Variants in ROBO2 observed in about 807,000 individuals in gnomAD.
ROBO2 encodes the protein roundabout homolog 2.
In ROBO2, 53 loss-of-function variants were observed where a neutral mutation model predicts 160.8. The observed-to-expected ratio is 0.33, with a 90% CI of 0.26 to 0.41. The LOEUF is 0.41. ROBO2 is among the 10% of genes least tolerant of loss of function. ROBO2 has a pLI of 1.00. For missense variants in ROBO2, 1,577 were observed against 1,722.4 expected, an observed-to-expected ratio of 0.92 and a Z score of 1.49; for synonymous variants, 664 against 611.7, an observed-to-expected ratio of 1.09 and a Z score of -1.26.
chr3:76,875,239 A>G (rs575051983), intron 2 of ROBO2, among the ~76,000 whole-genome samples: 9 of 152,250 alleles, frequency 5.9e-5, no homozygotes, highest in East Asian at 5.8e-4. Context: ...CTCACCAGAA[A>G]ACCAAACGTG....
At chr3:76,846,386 A>G (rs765274142) in intron 2 of ROBO2, among the ~76,000 whole-genome samples, 5 of 152,130 alleles carry the variant, frequency 3.3e-5, no homozygotes, top group Non-Finnish European at 7.4e-5. Flanking sequence ...TTTTACTTCA[A>G]AGGTATTCCT....
intron 19 of ROBO2, among the ~76,000 whole-genome samples, chr3:77,597,517 C>G (rs1015258451): frequency 6.6e-6 from 1 of 152,056 alleles, no homozygotes; most frequent in African/African-American, 2.4e-5. Context: ...GTAGGGAACT[C>G]TCTGATCTCA....
chr3:76,584,091 C>T (rs1451141192), intron 2 of ROBO2, among the ~76,000 whole-genome samples: 1 of 152,130 alleles, frequency 6.6e-6, no homozygotes, highest in Non-Finnish European at 1.5e-5. Context: ...TTTACTCAAA[C>T]CTTTGCCTAC....
intron 1 of ROBO2, among the ~76,000 whole-genome samples, chr3:75,933,208 T>G (rs886204402): frequency 2.0e-5 from 3 of 152,176 alleles, no homozygotes; most frequent in African/African-American, 7.2e-5. Flanking sequence ...AAATCAATGT[T>G]AATAACTGGA....
At chr3:76,406,300 T>A (rs185858733) in intron 2 of ROBO2, among the ~76,000 whole-genome samples, 6 of 151,974 alleles carry the variant, frequency 3.9e-5, no homozygotes, top group Admixed American at 1.3e-4. Flanking sequence ...TGAGGTATGT[T>A]TGGAAAATGT....
chr3:77,547,448 C>T (rs1475937486), intron 7 of ROBO2, among the ~76,000 whole-genome samples: 2 of 152,036 alleles, frequency 1.3e-5, no homozygotes, highest in Non-Finnish European at 2.9e-5. Context: ...TATTAAACAT[C>T]TCTGGAAATC....
intron 2 of ROBO2, among the ~76,000 whole-genome samples, chr3:76,080,277 G>A (rs1037967797): frequency 1.3e-5 from 2 of 152,128 alleles, no homozygotes; most frequent in Admixed American, 6.6e-5. Flanking sequence ...TGGCTTCAGC[G>A]CTTACTATTC....
At chr3:76,754,929 A>G (rs933541683) in intron 2 of ROBO2, among the ~76,000 whole-genome samples, 3 of 151,938 alleles carry the variant, frequency 2.0e-5, no homozygotes, top group South Asian at 2.1e-4. Context: ...CTATACAACT[A>G]GAAACCTTTA....
At chr3:77,619,314 A>C (rs551079029) in intron 22 of ROBO2, among the ~76,000 whole-genome samples, 1 of 152,334 alleles carries the variant, frequency 6.6e-6, no homozygotes, top group African/African-American at 2.4e-5. Context: ...TACAAGTTTC[A>C]AGGGTCCCCA....
At chr3:76,050,816 A>C (rs913127199) in intron 2 of ROBO2, among the ~76,000 whole-genome samples, 1 of 152,222 alleles carries the variant, frequency 6.6e-6, no homozygotes, top group Non-Finnish European at 1.5e-5. Context: ...GGGAATTCAC[A>C]GAAGTCTTCT....
chr3:77,529,451 T>G lies in ROBO2; in HGVS notation c.934+6549T>G, dbSNP rs148048894. Among the ~76,000 whole-genome samples the G allele has an allele frequency of 2.0e-3, 308 of 151,768 alleles. 1 individual carries two copies. The highest frequency in any genetic ancestry group is 7.1e-3 in the African/African-American group (293 of 41,516). ...ACTTATAAGCTAATGACTTTTCAAATGAAAAGGAAAAATCACCATTTAAAG... is the reference window on the plus strand; with the variant it reads ...ACTTATAAGCTAATGACTTTTCAAAGGAAAAGGAAAAATCACCATTTAAAG... On this transcript the variant is annotated intron_variant, in intron 6 of 25. Transcript: ENST00000461745.
chr3:76,687,442 A>G (rs974491567), intron 2 of ROBO2, among the ~76,000 whole-genome samples: 2 of 152,134 alleles, frequency 1.3e-5, no homozygotes, highest in Non-Finnish European at 2.9e-5. Flanking sequence ...CAGCATTAAA[A>G]TAAGTATGAA....
At chr3:75,931,793 T>TAATA (rs1311362310) in intron 1 of ROBO2, among the ~76,000 whole-genome samples, 1 of 152,122 alleles carries the variant, frequency 6.6e-6, no homozygotes, top group East Asian at 1.9e-4. Flanking sequence ...ATACATTTTG[T>TAATA]AATAATCTCT....
intron 2 of ROBO2, among the ~76,000 whole-genome samples, chr3:77,110,878 G>A (rs1321937272): frequency 1.3e-5 from 2 of 151,876 alleles, no homozygotes; most frequent in African/African-American, 4.8e-5. Flanking sequence ...ACTTTTTGTC[G>A]AGATGGGGTT....
chr3:76,086,665 A>G (rs1232052309), intron 2 of ROBO2, among the ~76,000 whole-genome samples: 1 of 152,192 alleles, frequency 6.6e-6, no homozygotes, highest in Non-Finnish European at 1.5e-5. Context: ...ACTAATATGT[A>G]ATAAGCACAA....
chr3:76,344,812 T>A (rs1184157810), intron 2 of ROBO2, among the ~76,000 whole-genome samples: 1 of 152,164 alleles, frequency 6.6e-6, no homozygotes, highest in East Asian at 1.9e-4. Context: ...TTGGGAAATA[T>A]CTAGATGTGA....
At chr3:75,944,303 T>C (rs1948186306) in intron 2 of ROBO2, among the ~76,000 whole-genome samples, 1 of 152,174 alleles carries the variant, frequency 6.6e-6, no homozygotes, top group Non-Finnish European at 1.5e-5. Context: ...CAAATAGCCT[T>C]ATGTGTGAGA....
At chr3:76,359,431 A>G (rs1475394379) in intron 2 of ROBO2, among the ~76,000 whole-genome samples, 2 of 152,102 alleles carry the variant, frequency 1.3e-5, no homozygotes, top group African/African-American at 4.8e-5. Flanking sequence ...TCCTAGACCT[A>G]TAATAGCAAA....
At chr3:77,185,806 C>CATATAT (rs35513605) in intron 2 of ROBO2, among the ~76,000 whole-genome samples, 215 of 151,012 alleles carry the variant, frequency 1.4e-3, no homozygotes, top group Middle Eastern at 3.4e-3. Flanking sequence ...GTGATACACA[C>CATATAT]ATATATATAT....
Sources: gnomAD v4.1 joint callset for allele counts (sites outside exome capture counted in the v4.1 genomes callset) on GRCh38, gnomAD v4.1.1 for gene constraint, MANE v1.5 for transcripts, NCBI Gene and HGNC (gene_info 2026-07-23, HGNC 2026-07-21) for gene names.